The following PAX5 variants were observed in gnomAD, a reference collection of about 807,000 sequenced individuals.
PAX5 encodes paired box protein Pax-5.
In PAX5, 9 loss-of-function variants were observed where a neutral mutation model predicts 43.7. The ratio of observed to expected loss-of-function variants is 0.21; its 90% CI spans 0.12 to 0.36. The LOEUF (loss-of-function observed/expected upper bound fraction) is 0.36, where lower values mean the gene tolerates loss of function less well. Ranked by LOEUF, PAX5 falls within the 10% of genes least tolerant of loss-of-function variation. The probability of loss-of-function intolerance (pLI) is 1.00; values close to 1 mark genes in which losing one functional copy is unlikely to be tolerated. For missense variants in PAX5, 383 were observed against 532.7 expected (o/e 0.72, Z 2.77); for synonymous variants, 228 against 214.3 (o/e 1.06, Z -0.56).
At chr9:37,018,965 C>T (rs550916094) in intron 2 of PAX5, among the ~76,000 whole-genome samples, 17 of 152,160 alleles carry the variant, frequency 1.1e-4, no homozygotes, top group African/African-American at 4.1e-4. Flanking sequence ...TTTCAAACAG[C>T]GAGCAAAATG....
At chr9:36,994,350 T>C (rs1837207486) in intron 5 of PAX5, among the ~76,000 whole-genome samples, 1 of 152,242 alleles carries the variant, frequency 6.6e-6, no homozygotes, top group Admixed American at 6.5e-5. Context: ...CTGCGCCCTC[T>C]GTGCCTGGAC....
chr9:36,933,345 C>T (rs919420124), intron 6 of PAX5, among the ~76,000 whole-genome samples: 24 of 152,160 alleles, frequency 1.6e-4, no homozygotes, highest in African/African-American at 5.3e-4. Flanking sequence ...GGTGCCCTGC[C>T]CTGCTCCTTG....
At chr9:37,024,792 A>G (rs1340699887) in intron 1 of PAX5, among the ~76,000 whole-genome samples, 1 of 152,196 alleles carries the variant, frequency 6.6e-6, no homozygotes, top group Non-Finnish European at 1.5e-5. Flanking sequence ...TGCTCAGCCG[A>G]GAGACCACCA....
intron 1 of PAX5, among the ~76,000 whole-genome samples, chr9:37,027,513 G>T (rs897196945): frequency 6.6e-6 from 1 of 152,234 alleles, no homozygotes; most frequent in African/African-American, 2.4e-5. Context: ...GTGGAGTGAG[G>T]AACAGAGGAG....
intron 7 of PAX5, among the ~76,000 whole-genome samples, chr9:36,917,254 C>T (rs1563964669): frequency 6.6e-6 from 1 of 152,164 alleles, no homozygotes; most frequent in African/African-American, 2.4e-5. Flanking sequence ...GACCCCAGGA[C>T]AGCTAAGCCA....
chr9:37,029,442 C>T (rs983501709), intron 1 of PAX5, among the ~76,000 whole-genome samples: 51 of 152,228 alleles, frequency 3.4e-4, no homozygotes, highest in African/African-American at 1.2e-3. Flanking sequence ...TCTGGGGACC[C>T]AGGAGGCTGC....
intron 5 of PAX5, among the ~76,000 whole-genome samples, chr9:36,972,379 C>G (rs527304606): frequency 1.3e-5 from 2 of 152,364 alleles, no homozygotes; most frequent in African/African-American, 4.8e-5. Context: ...GTTCCTCTCC[C>G]TCTCTGAGCC....
intron 6 of PAX5, among the ~76,000 whole-genome samples, chr9:36,952,590 C>T (rs920691575): frequency 6.6e-6 from 1 of 152,122 alleles, no homozygotes; most frequent in African/African-American, 2.4e-5. Flanking sequence ...TTCAACTGAA[C>T]GTGTCATACA....
At chr9:36,905,413 G>T (rs1038072954) in intron 7 of PAX5, among the ~76,000 whole-genome samples, 3 of 152,220 alleles carry the variant, frequency 2.0e-5, no homozygotes, top group African/African-American at 7.2e-5. Context: ...TTCAGAGAGG[G>T]GAAGGGAATT....
At chr9:36,982,445 T>C (rs1398035701) in intron 5 of PAX5, among the ~76,000 whole-genome samples, 1 of 152,104 alleles carries the variant, frequency 6.6e-6, no homozygotes, top group East Asian at 1.9e-4. Context: ...GAGCCCATAC[T>C]CTGTCAAGGA....
At chr9:36,991,182 A>G (rs949667849) in intron 5 of PAX5, among the ~76,000 whole-genome samples, 2 of 152,164 alleles carry the variant, frequency 1.3e-5, no homozygotes, top group Admixed American at 6.5e-5. Flanking sequence ...AGCACCAAAA[A>G]GATTTCAAAA....
intron 6 of PAX5, among the ~76,000 whole-genome samples, chr9:36,931,437 G>C (rs940607170): frequency 4.6e-5 from 7 of 152,208 alleles, no homozygotes; most frequent in Admixed American, 2.6e-4. Context: ...TGAATGGCAA[G>C]TCAAGAACAA....
At chr9:36,875,961 T>C (rs72735608) in intron 8 of PAX5, among the ~76,000 whole-genome samples, 19,518 of 152,216 alleles carry the variant, frequency 0.13, 1,282 homozygotes, top group African/African-American at 0.14. Context: ...CACTCATTTG[T>C]GGTAATTTGT....
intron 5 of PAX5, among the ~76,000 whole-genome samples, chr9:36,973,068 AGGAACGGAACGGAAC>A (rs1368567138): frequency 9.1e-5 from 10 of 110,302 alleles, no homozygotes. Context: ...AGGAAAGGAA[AGGAACGGAACGGAAC>A]GGAAAGGAAA....
In PAX5 at chr9:36,966,672, G is replaced by A; in HGVS notation, c.657C>T (p.Phe219=). The A allele has an allele frequency of 6.2e-7, 1 of 1,614,214 alleles. No homozygotes were observed. Among genetic ancestry groups the A allele is most frequent in the Non-Finnish European group, 8.5e-7 (1 of 1,180,040 alleles). ...AGTCTCCCCGCATCTGCTTCCGGAG[G>A]AAGTCTCTGCCCGGAAGCGAGTGGC... ...PNGHSLPGRD[F]LRKQMRGDLF... is the part of the protein sequence containing the mutation. Residue 219 remains phenylalanine, a synonymous_variant, in exon 6 of 10, where the codon TTC becomes TTT. Transcript: ENST00000358127.
chr9:37,000,152 TAC>T (rs888456875), intron 5 of PAX5, among the ~76,000 whole-genome samples: 29 of 152,060 alleles, frequency 1.9e-4, no homozygotes, highest in South Asian at 2.1e-4. Context: ...TCCAGAGAGA[TAC>T]AGAGAGAGGA....
At chr9:36,898,348 T>C (rs1828053635) in intron 7 of PAX5, among the ~76,000 whole-genome samples, 1 of 152,176 alleles carries the variant, frequency 6.6e-6, no homozygotes, top group Non-Finnish European at 1.5e-5. Flanking sequence ...TTGGGGCTAG[T>C]GGCACTATCT....
chr9:36,960,474 G>A (rs1273930883), intron 6 of PAX5, among the ~76,000 whole-genome samples: 1 of 152,184 alleles, frequency 6.6e-6, no homozygotes, highest in African/African-American at 2.4e-5. Context: ...GGACGGTGAA[G>A]GGGCGTGATG....
intron 6 of PAX5, among the ~76,000 whole-genome samples, chr9:36,963,202 C>A (rs923141794): frequency 2.6e-5 from 4 of 152,216 alleles, no homozygotes; most frequent in African/African-American, 9.6e-5. Flanking sequence ...CATTATCCTG[C>A]CACACAGTTC....
Sources: allele counts gnomAD v4.1 joint callset (sites outside exome capture counted in the v4.1 genomes callset), GRCh38; gene constraint gnomAD v4.1.1; transcripts MANE v1.5; gene names NCBI Gene and HGNC (gene_info 2026-07-23, HGNC 2026-07-21).